ZCWPW1: variants seen among roughly 807,000 people sequenced by gnomAD.
The protein encoded by ZCWPW1 is zinc finger CW-type and PWWP domain containing 1.
ZCWPW1 carries 56 observed loss-of-function variants against 81.3 expected under a neutral mutation model. That is an observed-to-expected ratio of 0.69 (90% CI 0.56 to 0.86). The LOEUF is 0.86. Among genes scored for constraint, ZCWPW1 ranks in the 40% least tolerant of loss-of-function variants. ZCWPW1 has a pLI of 0.00. For synonymous variants in ZCWPW1, 250 were observed against 273.7 expected (o/e 0.91, Z 0.86); for missense variants, 650 against 769.8 (o/e 0.84, Z 1.84).
In ZCWPW1 at chr7:100,419,753, T is replaced by C; in HGVS notation, c.159A>G (p.Ile53Met). Residue 53 changes from isoleucine to methionine, a missense_variant, in exon 4 of 18, where the codon ATA becomes ATG. By Grantham distance (10) the Ile-to-Met change is conservative (BLOSUM62 1). Transcript: ENST00000684423. ...TCTTTAAACTGGCCTTTGGCAGGCTTATCCTGGCCTCTGTCTCTGGGGAAC... is the reference window on the plus strand; with the variant it reads ...TCTTTAAACTGGCCTTTGGCAGGCTCATCCTGGCCTCTGTCTCTGGGGAAC... ...GISSPETEAR[I>M]SLPKASLKKK... 3 of 1,614,182 alleles carry C rather than the reference T, an allele frequency of 1.9e-6. No homozygotes were observed. The highest frequency in any genetic ancestry group is 2.5e-6 in the Non-Finnish European group (3 of 1,180,046).
At chr7:100,416,128 G>C (rs1206282954) in intron 7 of ZCWPW1, 31 bp from the exon 8 acceptor site, 2 of 1,611,776 alleles carry the variant, frequency 1.2e-6, no homozygotes, top group Admixed American at 3.3e-5. Flanking sequence ...GTGAGGTGGG[G>C]AGATGAAGAA....
chr7:100,415,911 C>T, intron 8 of ZCWPW1, 64 bp downstream of exon 8: 1 of 1,605,258 alleles, frequency 6.2e-7, no homozygotes. Context: ...ACATCCTAAC[C>T]CTGCCTCTCT....
chr7:100,407,343 G>T (rs1793244439), intron 10 of ZCWPW1, 40 bp from the exon 11 acceptor site: 15 of 1,562,048 alleles, frequency 9.6e-6, no homozygotes, highest in Non-Finnish European at 1.1e-5. Context: ...GAAGAGAAGG[G>T]GTTAGATGAA....
At chr7:100,404,559 C>T (rs1179891294) in intron 13 of ZCWPW1, among the ~76,000 whole-genome samples, 2 of 151,992 alleles carry the variant, frequency 1.3e-5, no homozygotes, top group Non-Finnish European at 2.9e-5. Flanking sequence ...GGGGTTTTGC[C>T]GTGTTGCCTA....
rs1189621762 is a variant in ZCWPW1 at position 100,428,661 on chromosome 7, T to A, written c.-230A>T. The stretch of plus-strand genomic sequence containing the variant: ...GCTGGCAGGGAGACCGGGCGGCGCA[T>A]CTCCCCGGGAAAACGGCGTAGACTC... On this transcript the variant is annotated 5_prime_UTR_variant, in exon 1 of 18. It removes an upstream start codon present in the reference 5' UTR. Coordinates refer to ENST00000684423, the MANE Select transcript of ZCWPW1 (RefSeq NM_001386010.1). The A allele has an allele frequency of 6.6e-6, 1 of 152,238 alleles. No individual in the cohort carries two copies. The highest frequency in any genetic ancestry group is 2.4e-5 in the African/African-American group (1 of 41,418). 9.4% of individuals were successfully genotyped at this position (152,238 alleles called of 1,614,324 possible). A position where few individuals can be genotyped will look rare whatever the true frequency, so the allele number is the denominator to read the frequency against.
In ZCWPW1 at chr7:100,417,109, G is replaced by A. The variant is rs1795410894; in HGVS notation, c.436C>T (p.Pro146Ser). The A allele has an allele frequency of 6.2e-7, 1 of 1,613,976 alleles. No individual in the cohort carries two copies. The highest frequency in any genetic ancestry group is 8.5e-7 in the Non-Finnish European group (1 of 1,179,998). The part of the protein sequence containing the change: ...PVVSTQSDKE[P>S]GITASATDTD... ...TCAGTAGCAGAAGCAGTAATTCCTG[G>A]CTCCTTGTCTGATTGGGTAGATACT... Residue 146 changes from proline to serine, a missense_variant, in exon 6 of 18, where the codon CCA (proline) becomes TCA (serine). By Grantham distance (74) the Pro-to-Ser change is moderately conservative. Coordinates refer to ENST00000684423, the MANE Select transcript of ZCWPW1 (RefSeq NM_001386010.1).
intron 9 of ZCWPW1, 58 bp from the exon 10 acceptor site, chr7:100,408,717 G>A: frequency 1.3e-6 from 2 of 1,582,476 alleles, no homozygotes; most frequent in South Asian, 1.2e-5. Flanking sequence ...AGAAAGAGCT[G>A]GATGAGAGCT....
chr7:100,420,774 C>G (rs774755635), intron 2 of ZCWPW1, 96 bp from the exon 3 acceptor site: 442 of 1,181,986 alleles, frequency 3.7e-4, no homozygotes, highest in Non-Finnish European at 5.0e-4. Flanking sequence ...TTTCAGACCT[C>G]TGAACTAGGT....
rs892688243 is a variant in ZCWPW1 at position 100,424,668 on chromosome 7, G to A, written c.-30+362C>T. Among the ~76,000 whole-genome samples, 54 of 151,812 alleles carry A rather than the reference G, an allele frequency of 3.6e-4. 1 individual carries two copies. The highest frequency in any genetic ancestry group is 3.5e-3 in the Admixed American group (53 of 15,224). ...GTAGAGACGGGGTTTCACCATGTTG[G>A]CCAGGATAGTCTCAATCTCCTGACC... is the stretch of plus-strand genomic sequence containing the variant. On this transcript the variant is annotated intron_variant, in intron 2 of 17. Coordinates refer to ENST00000684423, the MANE Select transcript of ZCWPW1 (RefSeq NM_001386010.1).
At chr7:100,404,082 T>TTATC in intron 14 of ZCWPW1, 96 bp downstream of exon 14, 6 of 1,298,982 alleles carry the variant, frequency 4.6e-6, no homozygotes, top group Non-Finnish European at 5.4e-6. Flanking sequence ...ATTAGCCTGA[T>TTATC]GATAGAGAAT....
Position 100,415,988 on chromosome 7 carries a change from C to T in ZCWPW1, c.741G>A (p.Glu247=), listed in dbSNP as rs765352351. Residue 247 remains glutamate, a synonymous_variant, in exon 8 of 18, where the codon GAG becomes GAA. Coordinates refer to ENST00000684423, the MANE Select transcript of ZCWPW1 (RefSeq NM_001386010.1). ...AGCTAAACTCACCAAAACCACTTAT[C>T]TCTCCTTTTTGCTGGTCCCTGATCT... ...HSQIRDQQKG[E]ISGFGQCLVW... The T allele has an allele frequency of 3.8e-5, 62 of 1,614,034 alleles. No homozygotes were observed. The South Asian group carries it at 6.5e-4, about 17-fold the overall frequency.
chr7:100,424,918 ACTG>A (rs1426794261), intron 2 of ZCWPW1, 109 bp downstream of exon 2: 3 of 152,216 alleles, frequency 2.0e-5, no homozygotes, highest in Non-Finnish European at 2.9e-5. Flanking sequence ...ATTGTGGTTC[ACTG>A]TTGTTGAGTT....
chr7:100,406,175 A>G (rs766389698), intron 12 of ZCWPW1, among the ~76,000 whole-genome samples: 9 of 152,162 alleles, frequency 5.9e-5, no homozygotes, highest in South Asian at 4.1e-4. Flanking sequence ...TGCTAACCCA[A>G]TGGTTCTCAA....
Position 100,401,169 on chromosome 7 carries a change from C to T in ZCWPW1, c.1795G>A (p.Glu599Lys), listed in dbSNP as rs377145270. The change falls in exon 18 of 18, where the codon GAG becomes AAG. Residue 599 changes from glutamate (E) to lysine (K), a missense_variant. Glu to Lys is a moderately conservative substitution (Grantham distance 56). Coordinates refer to ENST00000684423, the MANE Select transcript of ZCWPW1 (RefSeq NM_001386010.1). ...TCCTCAAGGGGGACACTTCCAGCCT[C>T]CTGGGTCAGGGGTTCCCGGTGTCTG... ...EPRHREPLTQ[E>K]AGSVPLEDEA... 6.1e-5 allele frequency: 99 copies of T among 1,614,268 alleles called. No homozygotes were observed. The African/African-American group carries it at 1.2e-3, about 20-fold the overall frequency.
intron 8 of ZCWPW1, among the ~76,000 whole-genome samples, chr7:100,410,556 T>G (rs574402834): frequency 3.9e-5 from 6 of 152,316 alleles, no homozygotes; most frequent in African/African-American, 1.4e-4. Flanking sequence ...TGATTCAGTC[T>G]TCTCTCCACC....
chr7:100,417,170 G>T lies in ZCWPW1; in HGVS notation c.375C>A (p.Gly125=), dbSNP rs1795429731. ...SLQECLGMGS[G]LDFAETSCAQ... Reference sequence around the variant, plus strand: ...CACAAGAAGTCTCTGCAAAATCAAGGCCAGATCCCATCCCTCCCAAAACAA... The same window carrying T: ...CACAAGAAGTCTCTGCAAAATCAAGTCCAGATCCCATCCCTCCCAAAACAA... Residue 125 remains glycine (G), a synonymous_variant, in exon 6 of 18, where the codon GGC becomes GGA. Transcript: ENST00000684423. 1.9e-6 allele frequency: 3 copies of T among 1,613,498 alleles called. No individual in the cohort carries two copies. The highest frequency in any genetic ancestry group is 3.3e-5 in the Admixed American group (2 of 59,972).
chr7:100,416,564 A>C, intron 6 of ZCWPW1, 108 bp from the exon 7 acceptor site: 1 of 1,207,534 alleles, frequency 8.3e-7, no homozygotes, highest in Non-Finnish European at 1.2e-6. Context: ...TAAGCTCTCT[A>C]AGACCTCCTG....
intron 8 of ZCWPW1, among the ~76,000 whole-genome samples, chr7:100,410,134 A>G (rs1323304444): frequency 1.3e-5 from 2 of 152,162 alleles, no homozygotes; most frequent in Non-Finnish European, 2.9e-5. Context: ...CTCAAAGGCC[A>G]AGCCTTCCTT....
rs764824841 is a variant in ZCWPW1, at chr7:100,406,713, G to T, written c.1154C>A (p.Ser385Tyr). Residue 385 changes from serine (S) to tyrosine (Y), a missense_variant, in exon 12 of 18, where the codon TCC (serine) becomes TAC (tyrosine). Ser to Tyr is a moderately radical substitution (Grantham distance 144, BLOSUM62 -2). Transcript: ENST00000684423. Reference sequence around the variant, plus strand: ...GCTCACCATGACTGATAGCTCCAGGGACAGCTCCTGGAAGTTCTTTAGCAT... The same window carrying T: ...GCTCACCATGACTGATAGCTCCAGGTACAGCTCCTGGAAGTTCTTTAGCAT... ...VNMLKNFQEL[S>Y]LELSVMKKRR... 6.8e-6 allele frequency: 11 copies of T among 1,613,894 alleles called. No homozygotes were observed. In the Admixed American group the frequency reaches 1.8e-4, roughly 27 times the overall value.
Sources: allele counts gnomAD v4.1 joint callset (sites outside exome capture counted in the v4.1 genomes callset), GRCh38; gene constraint gnomAD v4.1.1; transcripts MANE v1.5; gene names NCBI Gene and HGNC (gene_info 2026-07-23, HGNC 2026-07-21).